The following UTRN variants were observed in gnomAD, a reference collection of about 807,000 sequenced individuals.
UTRN encodes the protein dystrophin-related protein 1.
A neutral mutation model predicts 463.9 loss-of-function variants in UTRN; 283 were observed. The ratio of observed to expected loss-of-function variants is 0.61; its 90% CI spans 0.55 to 0.67. UTRN has a LOEUF of 0.67. UTRN is among the 30% of genes least tolerant of loss of function. The pLI, the probability that UTRN is intolerant of heterozygous loss-of-function variation, is 0.00. For synonymous variants in UTRN, 1,442 were observed against 1,431.5 expected (o/e 1.01, Z -0.17); for missense variants, 3,922 against 4,084.3 (o/e 0.96, Z 1.08).
At chr6:144,543,578 C>A (rs1798162393) in intron 46 of UTRN, among the ~76,000 whole-genome samples, 1 of 152,054 alleles carries the variant, frequency 6.6e-6, no homozygotes, top group Non-Finnish European at 1.5e-5. Flanking sequence ...TCTGCTGATT[C>A]TTTTTATTGC....
intron 58 of UTRN, among the ~76,000 whole-genome samples, chr6:144,759,978 C>A (rs1026808816): frequency 4.0e-5 from 6 of 151,872 alleles, no homozygotes; most frequent in Non-Finnish European, 8.8e-5. Flanking sequence ...TTTAAAAATG[C>A]AAACTGGATC....
chr6:144,319,399 C>G (rs1249271726), intron 2 of UTRN, among the ~76,000 whole-genome samples: 1 of 152,188 alleles, frequency 6.6e-6, no homozygotes, highest in Admixed American at 6.5e-5. Flanking sequence ...TTACTTGGTA[C>G]TAGACATTTA....
chr6:144,300,608 G>C (rs749769499), intron 2 of UTRN, among the ~76,000 whole-genome samples: 5 of 152,108 alleles, frequency 3.3e-5, no homozygotes, highest in Non-Finnish European at 5.9e-5. Flanking sequence ...TTGCTTCTTT[G>C]TATATCATTG....
chr6:144,356,678 T>G (rs535781292), intron 2 of UTRN, among the ~76,000 whole-genome samples: 1 of 152,114 alleles, frequency 6.6e-6, no homozygotes, highest in Non-Finnish European at 1.5e-5. Context: ...TTGGGTGTGG[T>G]GGCGAATGCC....
At chr6:144,725,953 T>TAAG (rs1787831281) in intron 53 of UTRN, among the ~76,000 whole-genome samples, 1 of 152,148 alleles carries the variant, frequency 6.6e-6, no homozygotes, top group South Asian at 2.1e-4. Context: ...TTGCCTCCTG[T>TAAG]ACTTCCCTAC....
At chr6:144,325,010 C>G (rs917862915) in intron 2 of UTRN, among the ~76,000 whole-genome samples, 1 of 152,180 alleles carries the variant, frequency 6.6e-6, no homozygotes, top group Admixed American at 6.5e-5. Context: ...TCTTCCTCAC[C>G]TGCACAGGAG....
chr6:144,722,836 C>A (rs1245653162), intron 53 of UTRN, among the ~76,000 whole-genome samples: 3 of 152,120 alleles, frequency 2.0e-5, no homozygotes, highest in Non-Finnish European at 4.4e-5. Flanking sequence ...GTGAGTGAGG[C>A]TGTTTTGTCC....
chr6:144,409,546 C>T (rs1193022762), intron 3 of UTRN, among the ~76,000 whole-genome samples: 1 of 151,988 alleles, frequency 6.6e-6, no homozygotes. Context: ...GAGATGGGCT[C>T]TGGTGGTGCA....
chr6:144,804,936 T>C (rs951857062), intron 65 of UTRN, among the ~76,000 whole-genome samples: 1 of 152,156 alleles, frequency 6.6e-6, no homozygotes, highest in Non-Finnish European at 1.5e-5. Flanking sequence ...GTCTGGAGTT[T>C]GTTTTTCAGG....
intron 61 of UTRN, among the ~76,000 whole-genome samples, chr6:144,786,016 T>C (rs532738844): frequency 9.2e-5 from 14 of 152,342 alleles, no homozygotes; most frequent in Non-Finnish European, 4.4e-5. Context: ...TGTTCCACTA[T>C]TCCAAAGATG....
chr6:144,710,794 G>C (rs753127057), intron 53 of UTRN, among the ~76,000 whole-genome samples: 15 of 152,132 alleles, frequency 9.9e-5, no homozygotes, highest in Non-Finnish European at 1.5e-4. Flanking sequence ...AAATAAAACT[G>C]TATTAATACC....
intron 51 of UTRN, among the ~76,000 whole-genome samples, chr6:144,632,656 G>A (rs1408246438): frequency 6.6e-6 from 1 of 151,578 alleles, no homozygotes; most frequent in Non-Finnish European, 1.5e-5. Context: ...GCATACCCGT[G>A]ATTTGTTTTC....
Position 144,499,335 on chromosome 6 carries a change from G to C in UTRN, c.4672G>C (p.Glu1558Gln). Reference protein sequence around the residue: ...KMKKEAASLSEWLSATETELV... With the variant: ...KMKKEAASLSQWLSATETELV... The stretch of plus-strand genomic sequence containing the variant: ...GAAGAAAGAGGCTGCTTCTCTCTCT[G>C]AATGGCTTTCTGCTACTGAAACTGA... Residue 1558 changes from glutamate (E) to glutamine (Q), a missense_variant, in exon 34 of 75, where the codon GAA (glutamate) becomes CAA (glutamine). Coordinates refer to ENST00000367545, the MANE Select transcript of UTRN (RefSeq NM_007124.3). The C allele has an allele frequency of 1.2e-6, 2 of 1,613,874 alleles. No homozygotes were observed. Among genetic ancestry groups the C allele is most frequent in the Non-Finnish European group, 8.5e-7 (1 of 1,179,860 alleles).
intron 51 of UTRN, among the ~76,000 whole-genome samples, chr6:144,590,630 G>C (rs1174429443): frequency 6.6e-6 from 1 of 152,154 alleles, no homozygotes; most frequent in Non-Finnish European, 1.5e-5. Context: ...GTAAAATGCA[G>C]TGTTGCATTT....
At chr6:144,388,088 A>C (rs1781564683) in intron 2 of UTRN, among the ~76,000 whole-genome samples, 1 of 152,236 alleles carries the variant, frequency 6.6e-6, no homozygotes, top group African/African-American at 2.4e-5. Context: ...AACTTAGAAA[A>C]TATGGCTAAC....
intron 51 of UTRN, among the ~76,000 whole-genome samples, chr6:144,581,143 G>C (rs1197120687): frequency 2.0e-5 from 3 of 152,202 alleles, no homozygotes; most frequent in Admixed American, 1.3e-4. Context: ...GAATTGCCTG[G>C]TATGCAGTTG....
chr6:144,388,430 A>G (rs1191094191), intron 2 of UTRN, among the ~76,000 whole-genome samples: 4 of 151,980 alleles, frequency 2.6e-5, no homozygotes, highest in Admixed American at 2.6e-4. Flanking sequence ...GTCCCACCCT[A>G]GCCTCCAGAG....
intron 51 of UTRN, among the ~76,000 whole-genome samples, chr6:144,614,510 G>A (rs1805864667): frequency 6.6e-6 from 1 of 152,136 alleles, no homozygotes; most frequent in African/African-American, 2.4e-5. Context: ...GAAAATAATT[G>A]TAAGGTTTTC....
chr6:144,530,744 T>G (rs143172182), intron 41 of UTRN, among the ~76,000 whole-genome samples: 48 of 151,892 alleles, frequency 3.2e-4, no homozygotes, highest in Non-Finnish European at 6.8e-4. Flanking sequence ...GTGAGTGTGT[T>G]TGTGAGTGTG....
Sources: allele counts gnomAD v4.1 joint callset (sites outside exome capture counted in the v4.1 genomes callset), GRCh38; gene constraint gnomAD v4.1.1; transcripts MANE v1.5; gene names NCBI Gene and HGNC (gene_info 2026-07-23, HGNC 2026-07-21).